DICER1: variants seen among roughly 807,000 people sequenced by gnomAD.
DICER1 encodes the protein endoribonuclease Dicer.
DICER1 carries 43 observed loss-of-function variants against 194.1 expected under a neutral mutation model. That is an observed-to-expected ratio of 0.22 (90% confidence interval 0.17 to 0.29). The LOEUF is 0.29. Ranked by LOEUF, DICER1 falls within the 10% of genes least tolerant of loss-of-function variation. The pLI is 1.00. For missense variants in DICER1, 1,608 were observed against 2,317.0 expected (o/e 0.69, Z 6.28); for synonymous variants, 832 against 820.5 (o/e 1.01, Z -0.24).
rs1889374159 is a variant in DICER1, at chr14:95,086,843, GT to G, written c.*3654del. ...TTAAATTCCTGAAAAGTAATCAGTGGTTGGAAAAATATAATTATTCAAATGT... is the reference window on the plus strand; with the variant it reads ...TTAAATTCCTGAAAAGTAATCAGTGGTGGAAAAATATAATTATTCAAATGT... On this transcript the variant is annotated 3_prime_UTR_variant, in exon 27 of 27. Transcript: ENST00000343455. 4.3e-6 allele frequency: 1 copy of G among 232,200 alleles called. No homozygotes were observed. The highest frequency in any genetic ancestry group is 2.2e-5 in the African/African-American group (1 of 45,266). 14.4% of individuals were successfully genotyped at this position (232,200 alleles called of 1,614,324 possible).
At chr14:95,123,477 C>T (rs569956045) in intron 8 of DICER1, among the ~76,000 whole-genome samples, 13 of 152,296 alleles carry the variant, frequency 8.5e-5, no homozygotes, top group African/African-American at 3.1e-4. Flanking sequence ...GGCTGGAGTG[C>T]AGTGGTGCCA....
intron 8 of DICER1, among the ~76,000 whole-genome samples, chr14:95,122,418 A>G (rs1893011690): frequency 6.6e-6 from 1 of 152,106 alleles, no homozygotes; most frequent in Non-Finnish European, 1.5e-5. Flanking sequence ...CCAGCATTAA[A>G]CTTTTTTGAC....
rs1347290726 is a variant in DICER1, at chr14:95,124,382, C to T, written c.1190G>A (p.Ser397Asn). The T allele has an allele frequency of 6.2e-7, 1 of 1,614,066 alleles. No homozygotes were observed. The highest frequency in any genetic ancestry group is 1.3e-5 in the African/African-American group (1 of 74,934). ...YKPYERQQFE[S>N]VEWYNNRNQD... Reference sequence around the variant, plus strand: ...ATTTCTATTATTATACCACTCAACGCTTTCAAACTGCTGTCGCTCATATGG... The same window carrying T: ...ATTTCTATTATTATACCACTCAACGTTTTCAAACTGCTGTCGCTCATATGG... The change falls in exon 8 of 27, where the codon AGC becomes AAC. Residue 397 changes from serine to asparagine, a missense_variant. Physicochemically the swap from Ser to Asn is conservative, Grantham distance 46. Transcript: ENST00000343455. This position sits in a 1 kb window ranked among gnomAD's most constrained non-coding sequence, Gnocchi z 4.5.
chr14:95,106,295 T>C (rs530358911), intron 17 of DICER1, 72 bp from the exon 18 acceptor site: 5 of 1,147,332 alleles, frequency 4.4e-6, no homozygotes, highest in Admixed American at 3.6e-5. Flanking sequence ...ATACAACTGT[T>C]TGTAGTATGG....
rs878855269 is a variant in DICER1 at position 95,096,213 on chromosome 14, G to A, written c.4707C>T (p.Cys1569=). ...IADCVEALLG[C]YLTSCGERAA... ...CCCTCTCCCCACAGCTGGTTAAATAGCAGCCCAGCAGGGCTTCCACACAGT... is the reference window on the plus strand; with the variant it reads ...CCCTCTCCCCACAGCTGGTTAAATAACAGCCCAGCAGGGCTTCCACACAGT... Residue 1569 remains cysteine (C), a synonymous_variant, in exon 23 of 27, where the codon TGC becomes TGT. Coordinates refer to ENST00000343455, the MANE Select transcript of DICER1 (RefSeq NM_177438.3). The A allele has an allele frequency of 6.2e-7, 1 of 1,614,082 alleles. No homozygotes were observed. The highest frequency in any genetic ancestry group is 1.3e-5 in the African/African-American group (1 of 74,928).
intron 20 of DICER1, among the ~76,000 whole-genome samples, chr14:95,104,816 A>G (rs1442968417): frequency 6.6e-6 from 1 of 152,240 alleles, no homozygotes; most frequent in East Asian, 1.9e-4. Context: ...TTTAAAAGAA[A>G]AAACAGACTG....
intron 4 of DICER1, among the ~76,000 whole-genome samples, chr14:95,131,254 A>C (rs956781434): frequency 6.6e-6 from 1 of 151,948 alleles, no homozygotes; most frequent in Non-Finnish European, 1.5e-5. Context: ...TGAACTCCTG[A>C]CCTCAGGTGA....
rs372965421 is a variant in DICER1 at position 95,129,651 on chromosome 14, C to T, written c.574-19G>A. ...CACAGAGCTAACATAATAAAAGATA[C>T]TGACAGTAAAGACTTCATTTTGCAA... On this transcript the variant is annotated intron_variant, in intron 5 of 26. Transcript: ENST00000343455. 3.2e-5 allele frequency: 52 copies of T among 1,606,400 alleles called. No homozygotes were observed. The Middle Eastern group carries it at 8.2e-4, about 25-fold the overall frequency.
At chr14:95,122,921 TGCGCGTGCGTGTACGCGC>T (rs1297238309) in intron 8 of DICER1, among the ~76,000 whole-genome samples, 2 of 151,102 alleles carry the variant, frequency 1.3e-5, no homozygotes, top group Non-Finnish European at 2.9e-5. Flanking sequence ...TAAGCGCGTG[TGCGCGTGCGTGTACGCGC>T]GCGCGCGCGC....
chr14:95,093,778 C>T (rs1890051409), intron 24 of DICER1, 110 bp downstream of exon 24: 3 of 1,213,848 alleles, frequency 2.5e-6, no homozygotes, highest in African/African-American at 3.0e-5. Context: ...CTGGGTCCCA[C>T]ACCCCTGACC....
At chr14:95,117,201 T>G (rs569843344) in intron 9 of DICER1, among the ~76,000 whole-genome samples, 63 of 142,702 alleles carry the variant, frequency 4.4e-4, no homozygotes, top group Non-Finnish European at 5.8e-4. Context: ...TATAGTGCTG[T>G]TTTTTTTTTT....
At chr14:95,093,070 C>T (rs1282006353) in intron 24 of DICER1, among the ~76,000 whole-genome samples, 2 of 152,202 alleles carry the variant, frequency 1.3e-5, no homozygotes, top group Non-Finnish European at 2.9e-5. Context: ...AAAGTCACTA[C>T]TCCCCAACAA....
intron 22 of DICER1, among the ~76,000 whole-genome samples, chr14:95,099,286 C>T (rs754298640): frequency 4.0e-5 from 6 of 151,800 alleles, no homozygotes; most frequent in Admixed American, 6.6e-5. Flanking sequence ...CAGAAAATAA[C>T]AATCTTTATG....
chr14:95,120,080 A>G (rs1399513355), intron 8 of DICER1, among the ~76,000 whole-genome samples: 1 of 152,238 alleles, frequency 6.6e-6, no homozygotes, highest in African/African-American at 2.4e-5. Flanking sequence ...CATGCTAACT[A>G]ATGCAGACAA....
At position 95,089,091 on chromosome 14, in the gene DICER1, T is replaced by C. The variant is rs989262025; in HGVS notation, c.*1407A>G. 2 of 231,032 alleles carry C rather than the reference T, an allele frequency of 8.7e-6. No individual in the cohort carries two copies. Among genetic ancestry groups the C allele is most frequent in the Non-Finnish European group, 8.5e-6 (1 of 117,422 alleles). The allele number at this position is 231,032 out of a possible 1,614,324, so 14.3% of individuals were successfully genotyped here. ...AAATTTCAAGCATAATACATAAACA[T>C]AGCACCAAACAGGGGAAAAATGCAT... On this transcript the variant is annotated 3_prime_UTR_variant, in exon 27 of 27. Transcript: ENST00000343455.
intron 6 of DICER1, 129 bp downstream of exon 6, chr14:95,129,343 T>C (rs1893747885): frequency 4.8e-6 from 4 of 827,118 alleles, no homozygotes; most frequent in South Asian, 4.4e-5. Context: ...TTCTTACTCT[T>C]GCCCATTCCT....
chr14:95,133,769 A>G (rs1894156619), intron 1 of DICER1, among the ~76,000 whole-genome samples: 4 of 152,238 alleles, frequency 2.6e-5, no homozygotes, highest in Admixed American at 2.6e-4. Flanking sequence ...TTGTTGTTGC[A>G]TTATTACTTA....
chr14:95,152,383 C>CAG (rs1207234796), intron 1 of DICER1, among the ~76,000 whole-genome samples: 3 of 152,178 alleles, frequency 2.0e-5, no homozygotes, highest in African/African-American at 7.2e-5. Context: ...TATTCTTCCC[C>CAG]ACAAAACTGT....
intron 4 of DICER1, among the ~76,000 whole-genome samples, chr14:95,130,821 T>TGG (rs1893889471): frequency 6.6e-6 from 1 of 152,158 alleles, no homozygotes; most frequent in Non-Finnish European, 1.5e-5. Context: ...AACATTCAGT[T>TGG]AGAGGAAGTC....
Sources: allele counts gnomAD v4.1 joint callset (sites outside exome capture counted in the v4.1 genomes callset), GRCh38; gene constraint gnomAD v4.1.1; non-coding constraint Gnocchi (gnomAD v3.1); transcripts MANE v1.5; gene names NCBI Gene and HGNC (gene_info 2026-07-23, HGNC 2026-07-21).